Variants in OTUD7A observed in about 807,000 individuals in gnomAD.
OTUD7A encodes the protein OTU deubiquitinase 7A, also known as OTU domain-containing protein 7A.
In OTUD7A, 12 loss-of-function variants were observed where a neutral mutation model predicts 65.7. That is an observed-to-expected ratio of 0.18 (90% CI 0.12 to 0.30). The LOEUF (loss-of-function observed/expected upper bound fraction) is 0.30. Among genes scored for constraint, OTUD7A ranks in the 10% least tolerant of loss-of-function variants. The pLI, the probability that OTUD7A is intolerant of heterozygous loss-of-function variation, is 1.00. For synonymous variants in OTUD7A, 641 were observed against 586.3 expected (o/e 1.09, Z -1.35); for missense variants, 1,148 against 1,304.8 (o/e 0.88, Z 1.85).
intron 5 of OTUD7A, chr15:31,556,899 C>A (rs1420957085): frequency 2.0e-5 from 3 of 152,138 alleles, no homozygotes; most frequent in African/African-American, 7.2e-5. Flanking sequence ...AAATAGCCAG[C>A]CCCCACAGTG....
intron 1 of OTUD7A, chr15:31,767,240 G>A (rs1284009427): frequency 1.1e-6 from 1 of 919,772 alleles, no homozygotes; most frequent in East Asian, 2.4e-5. Context: ...GTATCCCACT[G>A]GATCTATCTG....
intron 1 of OTUD7A, among the ~76,000 whole-genome samples, chr15:31,773,563 C>T (rs759339532): frequency 4.9e-4 from 74 of 152,194 alleles, no homozygotes; most frequent in Non-Finnish European, 9.7e-4. Flanking sequence ...ATATCATCAC[C>T]TTGGGAGTTA....
intron 8 of OTUD7A, among the ~76,000 whole-genome samples, 160 bp from the exon 9 acceptor site, chr15:31,503,978 C>T (rs763451938): frequency 4.6e-5 from 7 of 152,198 alleles, no homozygotes; most frequent in Non-Finnish European, 7.3e-5. Context: ...TCATGCCATC[C>T]GCCGATGGCA....
chr15:31,508,943 G>A (rs922691108), intron 8 of OTUD7A, among the ~76,000 whole-genome samples: 2 of 152,190 alleles, frequency 1.3e-5, no homozygotes, highest in African/African-American at 2.4e-5. Flanking sequence ...TGACTTATTC[G>A]GCCGCCCTCG....
intron 4 of OTUD7A, among the ~76,000 whole-genome samples, chr15:31,568,162 C>A (rs1888935617): frequency 6.6e-6 from 1 of 152,236 alleles, no homozygotes; most frequent in Non-Finnish European, 1.5e-5. Flanking sequence ...TTGCACCCTG[C>A]ACCTGGAAAA....
chr15:31,500,098 A>G (rs1346496078), intron 10 of OTUD7A, among the ~76,000 whole-genome samples: 1 of 152,168 alleles, frequency 6.6e-6, no homozygotes, highest in Non-Finnish European at 1.5e-5. Flanking sequence ...TGACCACAGA[A>G]TCTCCCTGGG....
intron 1 of OTUD7A, among the ~76,000 whole-genome samples, chr15:31,791,672 G>C (rs977099541): frequency 1.3e-5 from 2 of 152,230 alleles, no homozygotes; most frequent in East Asian, 3.9e-4. Context: ...TGGGTTTCTA[G>C]GATCATTCAT....
intron 5 of OTUD7A, among the ~76,000 whole-genome samples, chr15:31,535,360 C>T (rs1887761729): frequency 6.6e-6 from 1 of 152,168 alleles, no homozygotes; most frequent in Non-Finnish European, 1.5e-5. Context: ...CCTTCCCCTT[C>T]TGCCATGATT....
In OTUD7A at chr15:31,584,988, T is replaced by C. The variant is rs367979560; in HGVS notation, c.152-14791A>G. Among the ~76,000 whole-genome samples the C allele has an allele frequency of 2.6e-4, 40 of 152,314 alleles. 1 individual carries two copies. In the South Asian group the frequency reaches 7.9e-3, roughly 30 times the overall value. On this transcript the variant is annotated intron_variant, in intron 3 of 12. Transcript: ENST00000307050. ...TAGTTTATCACAAATGGGTTGTGAGTGAGCTAGATGGCAAATGAACAAAAC... is the reference window on the plus strand; with the variant it reads ...TAGTTTATCACAAATGGGTTGTGAGCGAGCTAGATGGCAAATGAACAAAAC...
chr15:31,757,972 C>T (rs1894861107), intron 1 of OTUD7A, among the ~76,000 whole-genome samples: 2 of 152,154 alleles, frequency 1.3e-5, no homozygotes, highest in Admixed American at 1.3e-4. Flanking sequence ...CTTGAACAAG[C>T]ATAACAATAT....
intron 1 of OTUD7A, among the ~76,000 whole-genome samples, chr15:31,741,732 A>C (rs1395649020): frequency 1.3e-5 from 2 of 152,076 alleles, no homozygotes; most frequent in Non-Finnish European, 2.9e-5. Flanking sequence ...GAAAATAAAA[A>C]ATACCAAAAA....
chr15:31,501,870 G>A (rs1210554258), intron 9 of OTUD7A, 31 bp from the exon 10 acceptor site: 1 of 1,581,506 alleles, frequency 6.3e-7, no homozygotes, highest in Non-Finnish European at 8.6e-7. Context: ...GAGGGTGTGA[G>A]GAGCAGCCAG....
intron 3 of OTUD7A, among the ~76,000 whole-genome samples, chr15:31,589,854 C>T (rs553278672): frequency 3.3e-5 from 5 of 152,114 alleles, no homozygotes; most frequent in South Asian, 2.1e-4. Context: ...TTTTGTGTTA[C>T]TCTGTAAGAT....
At chr15:31,721,951 A>G (rs568692034) in intron 1 of OTUD7A, among the ~76,000 whole-genome samples, 2 of 152,236 alleles carry the variant, frequency 1.3e-5, no homozygotes, top group Non-Finnish European at 2.9e-5. Context: ...TCGGTGCTCA[A>G]TAAAACTCTG....
At position 31,811,651 on chromosome 15, in the gene OTUD7A, G is replaced by A. The variant is rs375012591; in HGVS notation, c.-100+58856C>T. Among the ~76,000 whole-genome samples, 14 of 152,186 alleles carry A rather than the reference G, an allele frequency of 9.2e-5. No homozygotes were observed. In the East Asian group the frequency reaches 9.7e-4, roughly 11 times the overall value. ...ATCTCCACCGCACTCCCGGGGCTCC[G>A]GGTGCTGGTTAAAGGGTAGTAGAGA... On this transcript the variant is annotated intron_variant, in intron 1 of 12. Transcript: ENST00000307050.
intron 1 of OTUD7A, among the ~76,000 whole-genome samples, chr15:31,719,774 C>T (rs1893685077): frequency 6.6e-6 from 1 of 152,192 alleles, no homozygotes; most frequent in African/African-American, 2.4e-5. Context: ...CCACATCTTA[C>T]AATGCTCTGA....
At chr15:31,610,617 A>ATATATATATATATTTTTTTTTTTTTTTT in intron 3 of OTUD7A, among the ~76,000 whole-genome samples, 1 of 30,562 alleles carries the variant, frequency 3.3e-5, no homozygotes, top group Non-Finnish European at 4.9e-5. Flanking sequence ...ATATATATAT[A>ATATATATATATATTTTTTTTTTTTTTTT]TTTTTTTTTT....
intron 3 of OTUD7A, among the ~76,000 whole-genome samples, chr15:31,629,909 G>C (rs539480102): frequency 2.7e-4 from 41 of 152,304 alleles, no homozygotes; most frequent in African/African-American, 7.7e-4. Flanking sequence ...TCTGATGGTA[G>C]TTTGTATTTC....
intron 8 of OTUD7A, among the ~76,000 whole-genome samples, chr15:31,510,602 T>G: frequency 2.6e-5 from 1 of 38,580 alleles, no homozygotes; most frequent in South Asian, 1.1e-3. Flanking sequence ...TATATCTATA[T>G]GTAACATACA....
Sources: allele counts gnomAD v4.1 joint callset (sites outside exome capture counted in the v4.1 genomes callset), GRCh38; gene constraint gnomAD v4.1.1; transcripts MANE v1.5; gene names NCBI Gene and HGNC (gene_info 2026-07-23, HGNC 2026-07-21).